Variants in ZFAT observed in about 807,000 individuals in gnomAD.
ZFAT encodes the protein zinc finger and AT-hook domain containing, also known as zinc finger protein ZFAT.
Under a neutral mutation model 117.7 loss-of-function variants are expected in ZFAT, and 64 were observed. The observed-to-expected ratio is 0.54, with a 90% confidence interval of 0.44 to 0.67. The LOEUF is 0.67. ZFAT is among the 30% of genes least tolerant of loss of function. The probability of loss-of-function intolerance (pLI) is 0.00; values close to 1 mark genes in which losing one functional copy is unlikely to be tolerated. For synonymous variants in ZFAT, 679 were observed against 615.0 expected (o/e 1.10, Z -1.54); for missense variants, 1,433 against 1,584.5 (o/e 0.90, Z 1.62).
chr8:134,572,160 C>A (rs990145640), intron 10 of ZFAT, among the ~76,000 whole-genome samples: 6 of 152,044 alleles, frequency 3.9e-5, no homozygotes, highest in African/African-American at 1.4e-4. Context: ...TGTACAGCAA[C>A]GAAGAATTAT....
At chr8:134,670,815 C>T (rs941189024) in intron 1 of ZFAT, among the ~76,000 whole-genome samples, 2 of 152,172 alleles carry the variant, frequency 1.3e-5, no homozygotes, top group African/African-American at 4.8e-5. Flanking sequence ...AATCCAGGAG[C>T]TGGTTTTTTG....
At chr8:134,809,769 A>G in the ZFAT span, among the ~76,000 whole-genome samples, 2 of 152,206 alleles carry the variant, frequency 1.3e-5, no homozygotes, top group Non-Finnish European at 2.9e-5. Flanking sequence ...TGCTTTGAAC[A>G]AAAGGATCAA....
chr8:134,808,652 A>G, the ZFAT span, among the ~76,000 whole-genome samples: 1 of 152,214 alleles, frequency 6.6e-6, no homozygotes, highest in Non-Finnish European at 1.5e-5. Context: ...TGAAGATGAA[A>G]GCACTGTGAA....
At chr8:134,520,435 C>T (rs1412375170) in intron 13 of ZFAT, among the ~76,000 whole-genome samples, 1 of 151,982 alleles carries the variant, frequency 6.6e-6, no homozygotes, top group Non-Finnish European at 1.5e-5. Flanking sequence ...CTGGTTCCAA[C>T]TCCTAAGGGA....
At chr8:134,713,036 T>A, upstream of ZFAT, 1 of 695,198 alleles carries the variant, frequency 1.4e-6, no homozygotes, top group Non-Finnish European at 2.1e-6. Flanking sequence ...GCGGATGGAG[T>A]CTTCGCCCTC....
At chr8:134,627,074 A>T (rs1027756409) in intron 3 of ZFAT, among the ~76,000 whole-genome samples, 1 of 152,202 alleles carries the variant, frequency 6.6e-6, no homozygotes, top group Non-Finnish European at 1.5e-5. Flanking sequence ...CAGTGGCCTA[A>T]GACAAAGCAG....
At chr8:134,783,800 T>C in the ZFAT span, 1 of 152,180 alleles carries the variant, frequency 6.6e-6, no homozygotes, top group Admixed American at 6.5e-5. Context: ...GGCTTCCAGT[T>C]GTCCCATCTG....
the ZFAT span, among the ~76,000 whole-genome samples, chr8:134,730,250 C>T: frequency 6.6e-6 from 1 of 152,248 alleles, no homozygotes; most frequent in African/African-American, 2.4e-5. Flanking sequence ...AAGGCAAAGG[C>T]CCAACGTACT....
intron 1 of ZFAT, among the ~76,000 whole-genome samples, chr8:134,699,783 C>A (rs1351070615): frequency 2.0e-5 from 3 of 152,240 alleles, no homozygotes; most frequent in Admixed American, 2.0e-4. Flanking sequence ...CCTCACACAG[C>A]ACTGGGACAC....
chr8:134,488,486 G>C lies in ZFAT; in HGVS notation c.3493-9765C>G, dbSNP rs1016583758. Among the ~76,000 whole-genome samples the C allele has an allele frequency of 6.6e-5, 10 of 152,272 alleles. No homozygotes were observed. In the Middle Eastern group the frequency reaches 0.01, roughly 155 times the overall value. ...TGTGTTTAGACACCGCTAAGAGATG[G>C]GCCATTTGTTGAATAAGCCATCTCT... On this transcript the variant is annotated intron_variant, in intron 15 of 15. Coordinates refer to ENST00000377838, the MANE Select transcript of ZFAT (RefSeq NM_020863.4).
intron 1 of ZFAT, among the ~76,000 whole-genome samples, chr8:134,676,573 A>T (rs931466567): frequency 2.0e-5 from 3 of 152,210 alleles, no homozygotes; most frequent in Non-Finnish European, 4.4e-5. Flanking sequence ...CAGGACTTGA[A>T]CTCAGCTCTG....
At chr8:134,724,404 G>C in the ZFAT span, among the ~76,000 whole-genome samples, 2 of 152,174 alleles carry the variant, frequency 1.3e-5, no homozygotes, top group Non-Finnish European at 2.9e-5. Flanking sequence ...ATGTGCCAGG[G>C]GTTACTCCTT....
the ZFAT span, among the ~76,000 whole-genome samples, chr8:134,772,582 C>T: frequency 6.6e-6 from 1 of 152,140 alleles, no homozygotes; most frequent in Admixed American, 6.5e-5. Context: ...AGAAGCCATC[C>T]CCATACCATA....
intron 12 of ZFAT, among the ~76,000 whole-genome samples, chr8:134,523,848 T>C (rs1221544445): frequency 3.9e-5 from 6 of 152,200 alleles, no homozygotes; most frequent in Admixed American, 6.5e-5. Context: ...CTGGGACTCC[T>C]AGAGAAAGCA....
At chr8:134,779,775 T>G in the ZFAT span, among the ~76,000 whole-genome samples, 2 of 152,236 alleles carry the variant, frequency 1.3e-5, no homozygotes, top group Admixed American at 1.3e-4. Context: ...AGTAGCAATG[T>G]CAATGCTGCT....
chr8:134,614,309 G>A (rs1828562898), intron 3 of ZFAT, among the ~76,000 whole-genome samples: 1 of 152,148 alleles, frequency 6.6e-6, no homozygotes, highest in African/African-American at 2.4e-5. Context: ...ACCACAAGTT[G>A]ACTGACACCC....
chr8:134,718,566 AAG>A, the ZFAT span, among the ~76,000 whole-genome samples: 7 of 152,196 alleles, frequency 4.6e-5, no homozygotes, highest in Non-Finnish European at 8.8e-5. Context: ...AACTATGAAT[AAG>A]AGTAACAGGG....
intron 15 of ZFAT, among the ~76,000 whole-genome samples, chr8:134,499,200 G>T (rs1192441918): frequency 3.2e-4 from 34 of 105,788 alleles, no homozygotes; most frequent in East Asian, 8.4e-4. Flanking sequence ...CCTGATTTGG[G>T]AGGGTTGGGG....
At chr8:134,646,908 A>G (rs1830930092) in intron 2 of ZFAT, among the ~76,000 whole-genome samples, 1 of 152,196 alleles carries the variant, frequency 6.6e-6, no homozygotes, top group Non-Finnish European at 1.5e-5. Flanking sequence ...CAGTAATCAA[A>G]ATCTCCCAAC....
Sources: gnomAD v4.1 joint callset for allele counts (sites outside exome capture counted in the v4.1 genomes callset) on GRCh38, gnomAD v4.1.1 for gene constraint, MANE v1.5 for transcripts, NCBI Gene and HGNC (gene_info 2026-07-23, HGNC 2026-07-21) for gene names.